The following NFASC variants were observed in gnomAD, a reference collection of about 807,000 sequenced individuals.
NFASC encodes neurofascin homolog.
Under a neutral mutation model 147.5 loss-of-function variants are expected in NFASC, and 43 were observed. The observed-to-expected ratio is 0.29, with a 90% CI of 0.23 to 0.38. NFASC has a LOEUF of 0.38. Among genes scored for constraint, NFASC ranks in the 10% least tolerant of loss-of-function variants. NFASC has a pLI of 1.00. For missense variants in NFASC, 1,320 were observed against 1,689.0 expected (o/e 0.78, Z 3.83); for synonymous variants, 622 against 665.5 (o/e 0.93, Z 1.01).
At chr1:204,882,695 C>T (rs1457195509) in intron 1 of NFASC, among the ~76,000 whole-genome samples, 2 of 152,096 alleles carry the variant, frequency 1.3e-5, no homozygotes, top group African/African-American at 2.4e-5. Context: ...GTGAGGCCCT[C>T]GGTAAATATT....
chr1:204,913,494 A>G (rs1479422630), intron 1 of NFASC, among the ~76,000 whole-genome samples: 2 of 152,198 alleles, frequency 1.3e-5, no homozygotes, highest in Non-Finnish European at 2.9e-5. Context: ...AAAGTCCAGA[A>G]ATAGACCTAA....
chr1:204,874,731 A>G (rs2078413420), intron 1 of NFASC, among the ~76,000 whole-genome samples: 1 of 152,206 alleles, frequency 6.6e-6, no homozygotes, highest in South Asian at 2.1e-4. Flanking sequence ...CACACTTTGC[A>G]TGCCTAAAGC....
intron 2 of NFASC, among the ~76,000 whole-genome samples, chr1:204,939,669 GGAGAGGAACCC>G (rs1169815728): frequency 6.6e-6 from 1 of 152,284 alleles, no homozygotes; most frequent in Non-Finnish European, 1.5e-5. Flanking sequence ...GGAAGTGCTG[GGAGAGGAACCC>G]GAGAGGTGGC....
rs12038252 is a variant in NFASC, at chr1:204,874,573, A to G, written c.-200+45791A>G. Among the ~76,000 whole-genome samples, 2,761 of 151,988 alleles carry G rather than the reference A, an allele frequency of 0.018. 154 individuals are homozygous for G. The East Asian group carries it at 0.21, about 11-fold the overall frequency. On this transcript the variant is annotated intron_variant, in intron 1 of 29. Coordinates refer to ENST00000339876, the MANE Select transcript of NFASC (RefSeq NM_001005388.3). ...CTGCACTTCCAACCCACCATCCTGAATCTACTTCCCTCCACCCTCGGGCCC... is the reference window on the plus strand; with the variant it reads ...CTGCACTTCCAACCCACCATCCTGAGTCTACTTCCCTCCACCCTCGGGCCC...
chr1:204,954,815 C>G lies in NFASC; in HGVS notation c.413-14C>G. 2 of 1,614,012 alleles carry G rather than the reference C, an allele frequency of 1.2e-6. No homozygotes were observed. The highest frequency in any genetic ancestry group is 1.7e-6 in the Non-Finnish European group (2 of 1,179,930). ...ATCACCCTCACTTTATCCTCTTTGT[C>G]CACTTCTCTCCAGAATCTCCTCTGT... is the stretch of plus-strand genomic sequence containing the variant. On this transcript the variant is annotated splice_polypyrimidine_tract_variant and intron_variant, in intron 6 of 29. Transcript: ENST00000339876. This position sits in a 1 kb window ranked among gnomAD's most constrained non-coding sequence, Gnocchi z 5.7.
chr1:204,977,567 A>T, intron 16 of NFASC, 114 bp from the exon 17 acceptor site: 2 of 892,042 alleles, frequency 2.2e-6, no homozygotes, highest in Non-Finnish European at 3.5e-6. Context: ...CCCTGCCTAG[A>T]ACACCTCAGC....
intron 1 of NFASC, among the ~76,000 whole-genome samples, chr1:204,909,627 T>C (rs1036154471): frequency 6.6e-6 from 1 of 152,216 alleles, no homozygotes; most frequent in African/African-American, 2.4e-5. Context: ...GTGTCAGATC[T>C]AAGAATTGTT....
intron 21 of NFASC, among the ~76,000 whole-genome samples, chr1:204,982,419 C>T (rs1035603429): frequency 3.3e-5 from 5 of 152,198 alleles, no homozygotes; most frequent in African/African-American, 7.2e-5. Flanking sequence ...ACTACCCATC[C>T]TAAAGAGCTA....
rs1187548392 is a variant in NFASC at position 205,020,638 on chromosome 1, A to C, written c.*4099A>C. ...TCTTTCTGGCGCCCTGTGCTGGAGCAGGGCCAAGTCTTAGGGCATCACAAA... is the reference window on the plus strand; with the variant it reads ...TCTTTCTGGCGCCCTGTGCTGGAGCCGGGCCAAGTCTTAGGGCATCACAAA... On this transcript the variant is annotated 3_prime_UTR_variant, in exon 30 of 30. Coordinates refer to ENST00000339876, the MANE Select transcript of NFASC (RefSeq NM_001005388.3). 1 of 152,274 alleles carries C rather than the reference A, an allele frequency of 6.6e-6. No homozygotes were observed. The highest frequency in any genetic ancestry group is 6.5e-5 in the Admixed American group (1 of 15,288). The allele number at this position is 152,274 out of a possible 1,614,324, so 9.4% of individuals were successfully genotyped here.
At chr1:204,950,465 G>A (rs371596076) in intron 3 of NFASC, 92 bp from the exon 4 acceptor site, 30 of 1,200,514 alleles carry the variant, frequency 2.5e-5, no homozygotes, top group Non-Finnish European at 3.5e-5. Flanking sequence ...CCCACTCCCT[G>A]TGTGCTGGGG....
chr1:205,011,670 A>G (rs956406091), intron 28 of NFASC, among the ~76,000 whole-genome samples: 1 of 152,246 alleles, frequency 6.6e-6, no homozygotes, highest in Non-Finnish European at 1.5e-5. Context: ...CCTGGTTGCT[A>G]GCCTTCCCTC....
Position 204,979,930 on chromosome 1 carries a change from C to T in NFASC, c.2176+371C>T, listed in dbSNP as rs1288236251. Among the ~76,000 whole-genome samples, 2 of 152,108 alleles carry T rather than the reference C, an allele frequency of 1.3e-5. No homozygotes were observed. The highest frequency in any genetic ancestry group is 2.9e-5 in the Non-Finnish European group (2 of 68,026). On this transcript the variant is annotated intron_variant, in intron 19 of 29. Transcript: ENST00000339876. This position sits in a 1 kb window ranked among gnomAD's most constrained non-coding sequence, Gnocchi z 6.0. ...TTGGTATTACATCAGATTTCTTTTC[C>T]TAACACTCTTGGGTAATATTTGGAT...
intron 8 of NFASC, among the ~76,000 whole-genome samples, chr1:204,958,454 CA>C (rs1031907373): frequency 1.5e-4 from 23 of 152,152 alleles, no homozygotes; most frequent in African/African-American, 5.6e-4. Context: ...TTGGCTGGTA[CA>C]AAAGCAAATC....
intron 1 of NFASC, among the ~76,000 whole-genome samples, chr1:204,862,669 G>T (rs1366769171): frequency 6.6e-6 from 1 of 152,158 alleles, no homozygotes. Flanking sequence ...GAGACCAAAG[G>T]CTTGGAACAA....
intron 1 of NFASC, among the ~76,000 whole-genome samples, chr1:204,861,373 GCCACT>G (rs2076658191): frequency 6.6e-6 from 1 of 152,056 alleles, no homozygotes; most frequent in East Asian, 1.9e-4. Flanking sequence ...ATAGGTATGA[GCCACT>G]CCACCTGACC....
At chr1:204,903,130 C>A (rs1355714832) in intron 1 of NFASC, among the ~76,000 whole-genome samples, 1 of 152,176 alleles carries the variant, frequency 6.6e-6, no homozygotes, top group African/African-American at 2.4e-5. Flanking sequence ...TCCCCCCTAC[C>A]CCCACAAGTT....
chr1:204,943,044 T>C (rs540533042), intron 2 of NFASC, among the ~76,000 whole-genome samples: 1 of 152,318 alleles, frequency 6.6e-6, no homozygotes, highest in Middle Eastern at 3.4e-3. Flanking sequence ...AGATGGTGCA[T>C]GTGCACAATT....
chr1:204,886,173 A>G (rs1330905857), intron 1 of NFASC, among the ~76,000 whole-genome samples: 1 of 152,356 alleles, frequency 6.6e-6, no homozygotes, highest in Non-Finnish European at 1.5e-5. Flanking sequence ...TTCAGCTTCT[A>G]AACTGACTCA....
intron 27 of NFASC, chr1:205,008,977 TC>T: frequency 5.9e-6 from 1 of 169,554 alleles, no homozygotes; most frequent in Non-Finnish European, 1.3e-5. Context: ...TGACAGGGCA[TC>T]CTGGGCCTCC....
Sources: gnomAD v4.1 joint callset for allele counts (sites outside exome capture counted in the v4.1 genomes callset) on GRCh38, gnomAD v4.1.1 for gene constraint, Gnocchi (gnomAD v3.1) non-coding constraint, MANE v1.5 for transcripts, NCBI Gene and HGNC (gene_info 2026-07-23, HGNC 2026-07-21) for gene names.